CIB3: variants seen among roughly 807,000 people sequenced by gnomAD.
The protein encoded by CIB3 is calcium and integrin-binding family member 3.
In CIB3, 22 loss-of-function variants were observed where a neutral mutation model predicts 23.4. That is an observed-to-expected ratio of 0.94 (90% CI 0.67 to 1.34). CIB3 has a LOEUF of 1.34. CIB3 is among the 40% of genes most tolerant of loss of function. The pLI is 0.00. For missense variants in CIB3, 258 were observed against 247.3 expected (o/e 1.04, Z -0.29); for synonymous variants, 93 against 95.8 (o/e 0.97, Z 0.17).
At chr19:16,168,599 C>T (rs185555087) in intron 3 of CIB3, among the ~76,000 whole-genome samples, 6 of 152,312 alleles carry the variant, frequency 3.9e-5, no homozygotes, top group Non-Finnish European at 7.3e-5. Context: ...CAATCAGAGG[C>T]TGACCTGGGA....
intron 2 of CIB3, among the ~76,000 whole-genome samples, 176 bp from the exon 3 acceptor site, chr19:16,169,917 A>T (rs562435499): frequency 6.6e-6 from 1 of 152,280 alleles, no homozygotes; most frequent in Non-Finnish European, 1.5e-5. Flanking sequence ...CTCCTGCCTC[A>T]GCCTCCCAAG....
intron 3 of CIB3, among the ~76,000 whole-genome samples, chr19:16,169,000 A>G (rs905322009): frequency 6.6e-6 from 1 of 152,224 alleles, no homozygotes; most frequent in Admixed American, 6.6e-5. Flanking sequence ...TCCTGCTGAT[A>G]AAAACCTGCA....
In CIB3 at chr19:16,168,277, G is replaced by A. The variant is rs755924741; in HGVS notation, c.206C>T (p.Pro69Leu). Residue 69 changes from proline (P) to leucine (L), a missense_variant, in exon 4 of 6, where the codon CCC becomes CTC. Physicochemically the swap from Pro to Leu is moderately conservative, Grantham distance 98. Transcript: ENST00000269878. ...IGSMPELKDN[P>L]FRQRIAQVFS... ...TACCTGGGCAATCCTCTGGCGGAAG[G>A]GGTTGTCCTGGGGACAGAAAGGAAG... 1.2e-6 allele frequency: 2 copies of A among 1,613,772 alleles called. No homozygotes were observed. The highest frequency in any genetic ancestry group is 2.2e-5 in the East Asian group (1 of 44,878).
chr19:16,173,413 G>A lies in CIB3; in HGVS notation c.51+12C>T, dbSNP rs754321236. The A allele has an allele frequency of 2.5e-6, 4 of 1,612,136 alleles. No individual in the cohort carries two copies. The highest frequency in any genetic ancestry group is 1.1e-5 in the South Asian group (1 of 91,028). On this transcript the variant is annotated intron_variant, in intron 1 of 5. Transcript: ENST00000269878. ...GTCAAACCCACTGAGGACCCATCCT[G>A]CCCCCCTCTACCTGATACGCTTCCA...
chr19:16,161,558 C>A, intron 5 of CIB3, 72 bp from the exon 6 acceptor site: 1 of 1,539,218 alleles, frequency 6.5e-7, no homozygotes, highest in South Asian at 1.1e-5. Flanking sequence ...CCCCTCAACA[C>A]GCTCACGGCA....
chr19:16,171,168 AAAGAAAGAAAGAAAAG>A (rs1315628269), intron 2 of CIB3, among the ~76,000 whole-genome samples: 5 of 152,128 alleles, frequency 3.3e-5, no homozygotes, highest in Non-Finnish European at 5.9e-5. Flanking sequence ...AAAAAATAAA[AAAGAAAGAAAGAAAAG>A]AAGAAAGAAA....
intron 4 of CIB3, 34 bp downstream of exon 4, chr19:16,168,103 C>A: frequency 6.3e-7 from 1 of 1,579,526 alleles, no homozygotes; most frequent in East Asian, 2.3e-5. Flanking sequence ...CCACCCCATC[C>A]CCATGCTTCC....
Position 16,173,472 on chromosome 19 carries a change from C to T in CIB3, c.4G>A (p.Gly2Ser), listed in dbSNP as rs2091339341. 1 of 1,613,972 alleles carries T rather than the reference C, an allele frequency of 6.2e-7. No homozygotes were observed. Reference sequence around the variant, plus strand: ...TGTGTGAAGACTGTCTGCTTGTTGCCCATGGTGTGAACCACAGCCCAGACT... The same window carrying T: ...TGTGTGAAGACTGTCTGCTTGTTGCTCATGGTGTGAACCACAGCCCAGACT... M[G>S]NKQTVFTHEQ... Residue 2 changes from glycine to serine, a missense_variant, in exon 1 of 6, where the codon GGC becomes AGC. Gly to Ser is a moderately conservative substitution (Grantham distance 56, BLOSUM62 0). Transcript: ENST00000269878.
chr19:16,168,196 G>A lies in CIB3; in HGVS notation c.287C>T (p.Ser96Phe), dbSNP rs1228413239. 2 of 1,613,274 alleles carry A rather than the reference G, an allele frequency of 1.2e-6. No individual in the cohort carries two copies. The highest frequency in any genetic ancestry group is 1.7e-6 in the Non-Finnish European group (2 of 1,179,734). ...GCGGGGAGCCATTTCACTCATCACG[G>A]AAAACATGTCCAAAAAGTTGTCCAG... ...MTLDNFLDMF[S>F]VMSEMAPRDL... Residue 96 changes from serine (S) to phenylalanine (F), a missense_variant, in exon 4 of 6, where the codon TCC (serine) becomes TTC (phenylalanine). Coordinates refer to ENST00000269878, the MANE Select transcript of CIB3 (RefSeq NM_054113.4).
chr19:16,168,404 A>C (rs2091314644), intron 3 of CIB3, 120 bp from the exon 4 acceptor site: 1 of 1,352,952 alleles, frequency 7.4e-7, no homozygotes, highest in African/African-American at 1.5e-5. Flanking sequence ...ATCAAGACCC[A>C]CTCCCTCCCA....
chr19:16,161,528 G>A (rs779463155), intron 5 of CIB3, 42 bp from the exon 6 acceptor site: 1 of 1,611,534 alleles, frequency 6.2e-7, no homozygotes, highest in Admixed American at 1.7e-5. Flanking sequence ...TCAAGGAGTG[G>A]ACAACCCCTT....
At chr19:16,168,424 G>T in intron 3 of CIB3, 140 bp from the exon 4 acceptor site, 1 of 1,265,888 alleles carries the variant, frequency 7.9e-7, no homozygotes, top group Non-Finnish European at 1.1e-6. Context: ...ATGGTCCCTG[G>T]ACAGGACTTT....
Position 16,173,421 on chromosome 19 carries a change from CTACCTGA to C in CIB3, c.48_51+3del. 2 of 1,613,744 alleles carry C rather than the reference CTACCTGA, an allele frequency of 1.2e-6. No individual in the cohort carries two copies. Among genetic ancestry groups the C allele is most frequent in the Non-Finnish European group, 1.7e-6 (2 of 1,179,652 alleles). ...CACTGAGGACCCATCCTGCCCCCCT[CTACCTGA>C]TACGCTTCCAGCTGCTCGTGTGTGA... On this transcript the variant is annotated splice_donor_variant and splice_donor_region_variant and coding_sequence_variant and intron_variant, in exon 1 of 6. Transcript: ENST00000269878. LOFTEE classifies it high-confidence loss of function.
chr19:16,171,093 A>C (rs981453631), intron 2 of CIB3, among the ~76,000 whole-genome samples: 1 of 149,768 alleles, frequency 6.7e-6, no homozygotes, highest in African/African-American at 2.5e-5. Context: ...AACCGAGATC[A>C]AGCCAGTGCA....
chr19:16,164,791 C>T lies in CIB3; in HGVS notation c.469G>A (p.Asp157Asn). The T allele has an allele frequency of 6.2e-7, 1 of 1,614,046 alleles. No individual in the cohort carries two copies. The highest frequency in any genetic ancestry group is 8.5e-7 in the Non-Finnish European group (1 of 1,180,002). ...GACAGCCGCCCATCATGGTCTCCAT[C>T]AGCCTCATCCAGCACCTTCTCACAT... ...LVCEKVLDEA[D>N]GDHDGRLSLE... Residue 157 changes from aspartate (D) to asparagine (N), a missense_variant, in exon 5 of 6, where the codon GAT becomes AAT. Asp to Asn is a conservative substitution (Grantham distance 23, BLOSUM62 1). Coordinates refer to ENST00000269878, the MANE Select transcript of CIB3 (RefSeq NM_054113.4).
chr19:16,171,890 T>C (rs1392970676), intron 2 of CIB3, among the ~76,000 whole-genome samples: 3 of 152,244 alleles, frequency 2.0e-5, no homozygotes, highest in Non-Finnish European at 4.4e-5. Context: ...TTGGCCCCGA[T>C]CACACTGCAG....
chr19:16,167,033 T>C (rs951620658), intron 4 of CIB3, among the ~76,000 whole-genome samples: 5 of 152,148 alleles, frequency 3.3e-5, no homozygotes, highest in Admixed American at 6.6e-5. Flanking sequence ...CTGGCCAACA[T>C]GGTGAAACTC....
intron 4 of CIB3, among the ~76,000 whole-genome samples, chr19:16,165,375 T>A (rs937065987): frequency 4.6e-5 from 7 of 150,986 alleles, no homozygotes; most frequent in Non-Finnish European, 1.0e-4. Flanking sequence ...TGCCTTAAAA[T>A]TGGGCAGGGA....
intron 5 of CIB3, among the ~76,000 whole-genome samples, 187 bp from the exon 6 acceptor site, chr19:16,161,673 CTTTTTTTT>C (rs55969649): frequency 2.0e-5 from 2 of 100,056 alleles, no homozygotes; most frequent in African/African-American, 7.3e-5. Context: ...TTTTTTAATT[CTTTTTTTT>C]TTTTTTTTTT....
Sources: gnomAD v4.1 joint callset for allele counts (sites outside exome capture counted in the v4.1 genomes callset) on GRCh38, gnomAD v4.1.1 for gene constraint, MANE v1.5 for transcripts, NCBI Gene and HGNC (gene_info 2026-07-23, HGNC 2026-07-21) for gene names.